The following CTIF variants were observed in gnomAD, a reference collection of about 807,000 sequenced individuals.
CTIF encodes CBP80/20-dependent translation initiation factor.
A neutral mutation model predicts 66.0 loss-of-function variants in CTIF; 21 were observed. That is an observed-to-expected ratio of 0.32 (90% CI 0.23 to 0.46). The LOEUF is 0.46. CTIF is among the 20% of genes least tolerant of loss of function. CTIF has a pLI of 1.00. For synonymous variants in CTIF, 345 were observed against 326.4 expected (o/e 1.06, Z -0.62); for missense variants, 739 against 812.7 (o/e 0.91, Z 1.10).
chr18:48,594,788 T>C (rs1014811374), intron 1 of CTIF, among the ~76,000 whole-genome samples: 1 of 152,182 alleles, frequency 6.6e-6, no homozygotes, highest in Admixed American at 6.5e-5. Flanking sequence ...ACTAGAACTA[T>C]CCAAGGAACG....
At chr18:48,783,473 G>A (rs1911430555) in intron 9 of CTIF, among the ~76,000 whole-genome samples, 1 of 152,108 alleles carries the variant, frequency 6.6e-6, no homozygotes, top group Non-Finnish European at 1.5e-5. Flanking sequence ...AATAAATCTT[G>A]GAGCTCAGGA....
intron 1 of CTIF, among the ~76,000 whole-genome samples, chr18:48,564,388 C>T (rs1192149996): frequency 1.3e-5 from 2 of 152,232 alleles, no homozygotes; most frequent in East Asian, 3.9e-4. Context: ...CGGGGACAGC[C>T]CCACCTGCTG....
chr18:48,563,415 G>T (rs940284429), intron 1 of CTIF, among the ~76,000 whole-genome samples: 2 of 152,170 alleles, frequency 1.3e-5, no homozygotes, highest in African/African-American at 4.8e-5. Flanking sequence ...CCCCACTCTG[G>T]CCTGCAGCTC....
intron 6 of CTIF, among the ~76,000 whole-genome samples, chr18:48,703,271 A>G (rs779614011): frequency 1.3e-4 from 20 of 152,182 alleles, no homozygotes; most frequent in Non-Finnish European, 2.2e-4. Context: ...GTGGATATCC[A>G]GGCACTGTGG....
intron 9 of CTIF, among the ~76,000 whole-genome samples, chr18:48,794,366 C>T (rs1375208712): frequency 2.6e-5 from 4 of 152,174 alleles, no homozygotes; most frequent in Non-Finnish European, 4.4e-5. Flanking sequence ...AAGACAGGGT[C>T]GGGGAAAGCC....
At chr18:48,733,033 T>G (rs532253086) in intron 7 of CTIF, among the ~76,000 whole-genome samples, 1 of 152,204 alleles carries the variant, frequency 6.6e-6, no homozygotes, top group East Asian at 1.9e-4. Flanking sequence ...GGAGGAGCGT[T>G]ATTTTGAGAG....
At chr18:48,616,340 C>T (rs2090399805) in intron 1 of CTIF, among the ~76,000 whole-genome samples, 1 of 152,232 alleles carries the variant, frequency 6.6e-6, no homozygotes, top group Non-Finnish European at 1.5e-5. Flanking sequence ...GGCACGGAGC[C>T]TGCTTGGGGC....
chr18:48,832,432 G>A (rs547419149), intron 10 of CTIF, among the ~76,000 whole-genome samples: 4 of 152,236 alleles, frequency 2.6e-5, no homozygotes, highest in Non-Finnish European at 5.9e-5. Flanking sequence ...GCCTCCCAAA[G>A]TGCTAAAGAG....
At chr18:48,728,720 G>T (rs1312207960) in intron 7 of CTIF, among the ~76,000 whole-genome samples, 1 of 150,210 alleles carries the variant, frequency 6.7e-6, no homozygotes, top group Non-Finnish European at 1.5e-5. Context: ...AGTGGCCTGT[G>T]AAGGAGGGAG....
chr18:48,780,275 A>G (rs1442252335), intron 9 of CTIF, among the ~76,000 whole-genome samples: 3 of 152,226 alleles, frequency 2.0e-5, no homozygotes, highest in East Asian at 1.9e-4. Context: ...TGGGTTGCTC[A>G]GTCCTCTAGA....
intron 1 of CTIF, among the ~76,000 whole-genome samples, chr18:48,564,263 C>T (rs900153109): frequency 6.6e-6 from 1 of 152,186 alleles, no homozygotes; most frequent in Non-Finnish European, 1.5e-5. Flanking sequence ...GACGTGTTGC[C>T]TGCCACCTGG....
At chr18:48,735,025 A>G (rs993586799) in intron 7 of CTIF, among the ~76,000 whole-genome samples, 1 of 152,160 alleles carries the variant, frequency 6.6e-6, no homozygotes, top group African/African-American at 2.4e-5. Flanking sequence ...CATGTGTGCA[A>G]TATGTGTACA....
chr18:48,783,503 C>T (rs1002833712), intron 9 of CTIF, among the ~76,000 whole-genome samples: 9 of 152,176 alleles, frequency 5.9e-5, no homozygotes, highest in Admixed American at 1.3e-4. Context: ...CAGAACAGCA[C>T]GGTTCACCTG....
chr18:48,553,759 T>C (rs536322462), intron 1 of CTIF, among the ~76,000 whole-genome samples: 88 of 151,678 alleles, frequency 5.8e-4, no homozygotes, highest in African/African-American at 2.1e-3. Context: ...GGGTTCATGC[T>C]ATTCTCCTGC....
chr18:48,771,278 A>G (rs1424489186), intron 9 of CTIF, among the ~76,000 whole-genome samples: 1 of 152,198 alleles, frequency 6.6e-6, no homozygotes, highest in Non-Finnish European at 1.5e-5. Context: ...GGGGCAAAGA[A>G]TGCGTCTGGG....
intron 9 of CTIF, among the ~76,000 whole-genome samples, chr18:48,784,029 C>T (rs1328478544): frequency 6.6e-6 from 1 of 152,234 alleles, no homozygotes; most frequent in Non-Finnish European, 1.5e-5. Context: ...AAGATTCATT[C>T]ATTTATCAGC....
At chr18:48,553,660 C>G (rs1402187549) in intron 1 of CTIF, among the ~76,000 whole-genome samples, 1 of 132,348 alleles carries the variant, frequency 7.6e-6, no homozygotes, top group Non-Finnish European at 1.5e-5. Flanking sequence ...TTTCTTTTTC[C>G]TTTTTTTTTT....
chr18:48,717,251 TA>T (rs2092290225), intron 7 of CTIF, among the ~76,000 whole-genome samples: 1 of 151,816 alleles, frequency 6.6e-6, no homozygotes, highest in South Asian at 2.1e-4. Flanking sequence ...AATACAAAAT[TA>T]GCCGAGCGTG....
At chr18:48,766,085 T>A (rs28655713) in intron 9 of CTIF, among the ~76,000 whole-genome samples, 59,918 of 141,610 alleles carry the variant, frequency 0.42, 13,365 homozygotes, top group East Asian at 0.74. Context: ...GTATATCTCC[T>A]AATGCTATCC....
Sources: allele counts gnomAD v4.1 joint callset (sites outside exome capture counted in the v4.1 genomes callset), GRCh38; gene constraint gnomAD v4.1.1; transcripts MANE v1.5; gene names NCBI Gene and HGNC (gene_info 2026-07-23, HGNC 2026-07-21).